GLIS3: variants seen among roughly 807,000 people sequenced by gnomAD.
GLIS3 encodes zinc finger protein GLIS3.
Under a neutral mutation model 78.6 loss-of-function variants are expected in GLIS3, and 53 were observed. That is an observed-to-expected ratio of 0.67 (90% CI 0.54 to 0.85). The LOEUF is 0.85. GLIS3 is among the 40% of genes least tolerant of loss of function. The pLI is 0.00. For missense variants in GLIS3, 1,703 were observed against 1,231.1 expected, an observed-to-expected ratio of 1.38 and a Z score of -5.74; for synonymous variants, 684 against 509.9, an observed-to-expected ratio of 1.34 and a Z score of -4.60.
At chr9:4,002,383 G>A (rs1042479278) in intron 4 of GLIS3, among the ~76,000 whole-genome samples, 1 of 152,164 alleles carries the variant, frequency 6.6e-6, no homozygotes, top group African/African-American at 2.4e-5. Flanking sequence ...TGTGTTATTT[G>A]AAGCCACTAA....
At chr9:3,960,301 C>T (rs562709758) in intron 4 of GLIS3, among the ~76,000 whole-genome samples, 61 of 152,282 alleles carry the variant, frequency 4.0e-4, no homozygotes, top group South Asian at 1.7e-3. Context: ...AGGATCCCAC[C>T]CTGCTGACTT....
the GLIS3 span, among the ~76,000 whole-genome samples, chr9:4,408,553 C>T: frequency 6.6e-6 from 1 of 151,566 alleles, no homozygotes; most frequent in African/African-American, 2.4e-5. Context: ...ACGGTGAAAT[C>T]CCGTCTGTAC....
intron 2 of GLIS3, among the ~76,000 whole-genome samples, chr9:4,230,458 T>G (rs557483178): frequency 6.6e-6 from 1 of 152,282 alleles, no homozygotes; most frequent in South Asian, 2.1e-4. Flanking sequence ...AATACCCAGA[T>G]AGCCACACAT....
At chr9:4,230,899 A>C (rs1822197243) in intron 2 of GLIS3, among the ~76,000 whole-genome samples, 1 of 152,274 alleles carries the variant, frequency 6.6e-6, no homozygotes, top group East Asian at 1.9e-4. Context: ...ACAGTCATAC[A>C]AAGACTTTAA....
At chr9:4,337,036 A>G (rs1178568736) in intron 2 of GLIS3, among the ~76,000 whole-genome samples, 1 of 152,252 alleles carries the variant, frequency 6.6e-6, no homozygotes, top group African/African-American at 2.4e-5. Context: ...TAAATGCACT[A>G]AAATGAGATA....
intron 4 of GLIS3, among the ~76,000 whole-genome samples, chr9:4,097,421 G>A (rs1305550627): frequency 6.6e-6 from 1 of 151,940 alleles, no homozygotes; most frequent in Non-Finnish European, 1.5e-5. Context: ...GGCAAGAAGG[G>A]GTGGGCTCAG....
the GLIS3 span, among the ~76,000 whole-genome samples, chr9:4,408,643 C>G: frequency 9.3e-4 from 128 of 137,390 alleles, 1 homozygote; most frequent in Non-Finnish European, 1.6e-3. Flanking sequence ...AGGAGAATGG[C>G]GTGAACCCGG....
At chr9:4,280,212 G>C (rs911031997) in intron 2 of GLIS3, among the ~76,000 whole-genome samples, 1 of 152,156 alleles carries the variant, frequency 6.6e-6, no homozygotes, top group Non-Finnish European at 1.5e-5. Flanking sequence ...TAGAGAGAGA[G>C]GGGTCTCACT....
intron 9 of GLIS3, among the ~76,000 whole-genome samples, chr9:3,837,525 C>A (rs918582028): frequency 6.6e-6 from 1 of 152,200 alleles, no homozygotes; most frequent in African/African-American, 2.4e-5. Context: ...ACCGAGATTT[C>A]CTTCAGTAGG....
chr9:4,284,401 T>C (rs770310525), intron 2 of GLIS3, among the ~76,000 whole-genome samples: 3 of 152,168 alleles, frequency 2.0e-5, no homozygotes, highest in Non-Finnish European at 4.4e-5. Flanking sequence ...TAAAAGGCTT[T>C]ATCGGGCCTC....
intron 4 of GLIS3, among the ~76,000 whole-genome samples, chr9:3,987,516 A>G (rs550418827): frequency 2.5e-4 from 38 of 151,966 alleles, no homozygotes; most frequent in African/African-American, 8.4e-4. Context: ...AGCCTGGCCA[A>G]CATGGTGAAA....
intron 4 of GLIS3, among the ~76,000 whole-genome samples, chr9:4,003,226 T>G (rs548329435): frequency 6.6e-6 from 1 of 152,182 alleles, no homozygotes; most frequent in Admixed American, 6.5e-5. Context: ...TTTTAAAAAT[T>G]TAACATACTA....
In GLIS3 at chr9:3,872,668, T is replaced by A. The variant is rs1821041521; in HGVS notation, c.2297+6759A>T. ...GATGATTCAATTATCTCCCAACAGA[T>A]CCCTCCCACAACACGTAGGAATTAT... On this transcript the variant is annotated intron_variant, in intron 8 of 10. Coordinates refer to ENST00000381971, the MANE Select transcript of GLIS3 (RefSeq NM_001042413.2). 2.0e-5 allele frequency among the ~76,000 whole-genome samples: 3 copies of A among 152,116 alleles called. No individual in the cohort carries two copies. The South Asian group carries it at 6.2e-4, about 32-fold the overall frequency.
chr9:3,832,488 A>C (rs1175111344), intron 9 of GLIS3, among the ~76,000 whole-genome samples: 1 of 152,118 alleles, frequency 6.6e-6, no homozygotes. Flanking sequence ...TCAATCCTGC[A>C]CTAATTGACA....
At chr9:3,968,361 A>T (rs368508676) in intron 4 of GLIS3, among the ~76,000 whole-genome samples, 145 of 152,322 alleles carry the variant, frequency 9.5e-4, no homozygotes, top group African/African-American at 3.4e-3. Context: ...ATGGTAGCCT[A>T]ATTAAATAAT....
chr9:4,307,737 A>G (rs1044428182), intron 4 of GLIS3, among the ~76,000 whole-genome samples: 1 of 152,160 alleles, frequency 6.6e-6, no homozygotes, highest in African/African-American at 2.4e-5. Flanking sequence ...TAGAGAAACT[A>G]TGTTACCAGG....
At chr9:4,068,276 G>C (rs528047037) in intron 4 of GLIS3, among the ~76,000 whole-genome samples, 55 of 151,958 alleles carry the variant, frequency 3.6e-4, no homozygotes, top group African/African-American at 1.3e-3. Flanking sequence ...TAAAACTTCA[G>C]CGCAAGAAAG....
the GLIS3 span, among the ~76,000 whole-genome samples, chr9:4,459,266 G>C: frequency 6.6e-6 from 1 of 152,186 alleles, no homozygotes; most frequent in African/African-American, 2.4e-5. Flanking sequence ...CTGAAGTACT[G>C]GATGTGGGAA....
At chr9:4,182,850 G>C (rs1030898540) in intron 2 of GLIS3, among the ~76,000 whole-genome samples, 1 of 152,180 alleles carries the variant, frequency 6.6e-6, no homozygotes, top group African/African-American at 2.4e-5. Flanking sequence ...AAGCATCTGA[G>C]TGCTCTCTAT....
Sources: allele counts gnomAD v4.1 joint callset (sites outside exome capture counted in the v4.1 genomes callset), GRCh38; gene constraint gnomAD v4.1.1; transcripts MANE v1.5; gene names NCBI Gene and HGNC (gene_info 2026-07-23, HGNC 2026-07-21).